DLGAP2: variants seen among roughly 807,000 people sequenced by gnomAD.
DLGAP2 encodes disks large-associated protein 2.
In DLGAP2, 26 loss-of-function variants were observed where a neutral mutation model predicts 100.3. That is an observed-to-expected ratio of 0.26 (90% confidence interval 0.19 to 0.36). DLGAP2 has a LOEUF of 0.36. DLGAP2 is among the 10% of genes least tolerant of loss of function. DLGAP2 has a pLI of 1.00. For missense variants in DLGAP2, 1,858 were observed against 1,453.2 expected (o/e 1.28, Z -4.53); for synonymous variants, 886 against 630.1 (o/e 1.41, Z -6.08).
intron 3 of DLGAP2, among the ~76,000 whole-genome samples, chr8:1,341,712 A>G (rs1801422367): frequency 6.6e-6 from 1 of 152,196 alleles, no homozygotes; most frequent in Non-Finnish European, 1.5e-5. Context: ...GGTGTCTCCC[A>G]TCACTGCCCG....
At chr8:1,524,003 G>A (rs1296898682) in intron 4 of DLGAP2, among the ~76,000 whole-genome samples, 2 of 152,344 alleles carry the variant, frequency 1.3e-5, no homozygotes, top group South Asian at 4.1e-4. Context: ...TCCGGATTCG[G>A]CATCAGATCA....
At chr8:765,017 G>A (rs1821175563) in intron 1 of DLGAP2, among the ~76,000 whole-genome samples, 1 of 152,188 alleles carries the variant, frequency 6.6e-6, no homozygotes, top group Non-Finnish European at 1.5e-5. Context: ...GTGGTAGTGA[G>A]CAAATTTTAT....
intron 2 of DLGAP2, among the ~76,000 whole-genome samples, chr8:1,216,290 A>C (rs2123064): frequency 1.3e-5 from 2 of 151,862 alleles, no homozygotes; most frequent in African/African-American, 4.9e-5. Flanking sequence ...AGTCAACTTC[A>C]TACAGGGGCT....
chr8:1,701,413 A>T lies in DLGAP2; in HGVS notation c.*7A>T. 6.3e-7 allele frequency: 1 copy of T among 1,576,562 alleles called. No homozygotes were observed. The highest frequency in any genetic ancestry group is 8.6e-7 in the Non-Finnish European group (1 of 1,162,548). On this transcript the variant is annotated 3_prime_UTR_variant, in exon 15 of 15. Transcript: ENST00000637795. ...GGCCCAGACCCGGCTCTGAGGGCGG[A>T]GGCCGGCGCCTTCCCCTCGTCGCTT...
chr8:1,159,871 C>T (rs568469311), intron 2 of DLGAP2, among the ~76,000 whole-genome samples: 1 of 152,334 alleles, frequency 6.6e-6, no homozygotes, highest in Non-Finnish European at 1.5e-5. Context: ...CTACAGGCCC[C>T]CCAACCCCTG....
intron 2 of DLGAP2, among the ~76,000 whole-genome samples, chr8:1,241,556 C>T (rs989825876): frequency 2.0e-5 from 3 of 152,216 alleles, no homozygotes; most frequent in African/African-American, 7.2e-5. Context: ...CCCATGGGGG[C>T]CTTTGATCCA....
chr8:1,693,895 C>T (rs1171930589), intron 13 of DLGAP2, among the ~76,000 whole-genome samples: 1 of 152,144 alleles, frequency 6.6e-6, no homozygotes, highest in East Asian at 1.9e-4. Flanking sequence ...TCCATAGTAT[C>T]TATTTGATTA....
chr8:1,365,997 C>T (rs1222087982), intron 3 of DLGAP2, among the ~76,000 whole-genome samples: 1 of 152,264 alleles, frequency 6.6e-6, no homozygotes, highest in Non-Finnish European at 1.5e-5. Flanking sequence ...AACCTCCCCT[C>T]ACGGCACCGT....
chr8:1,622,542 C>G (rs920106447), intron 6 of DLGAP2: 12 of 152,246 alleles, frequency 7.9e-5, no homozygotes, highest in African/African-American at 1.9e-4. Flanking sequence ...GAACCATTCG[C>G]AAAGGGCGAG....
chr8:815,472 C>A (rs1053155035), intron 1 of DLGAP2, among the ~76,000 whole-genome samples: 1 of 152,132 alleles, frequency 6.6e-6, no homozygotes. Context: ...AGATAATTTC[C>A]CCAAATTGAG....
At chr8:1,083,519 A>G (rs1211805022) in intron 2 of DLGAP2, among the ~76,000 whole-genome samples, 2 of 152,208 alleles carry the variant, frequency 1.3e-5, no homozygotes, top group African/African-American at 4.8e-5. Context: ...TTTTGAGCTG[A>G]GCTTATTCAT....
chr8:1,191,397 C>G (rs565088296), intron 2 of DLGAP2, among the ~76,000 whole-genome samples: 3 of 152,136 alleles, frequency 2.0e-5, no homozygotes, highest in African/African-American at 7.2e-5. Flanking sequence ...GTCTTGATCT[C>G]CTGACCTTGT....
chr8:1,053,848 T>A (rs570091708), intron 2 of DLGAP2, among the ~76,000 whole-genome samples: 9 of 152,324 alleles, frequency 5.9e-5, no homozygotes, highest in African/African-American at 1.9e-4. Context: ...GCAGAATGGA[T>A]TCCTGTGCTA....
chr8:1,013,386 T>G (rs1441540432), intron 2 of DLGAP2, among the ~76,000 whole-genome samples: 1 of 152,134 alleles, frequency 6.6e-6, no homozygotes, highest in Non-Finnish European at 1.5e-5. Flanking sequence ...TCACGCTTGT[T>G]TGTAGAGCCG....
At chr8:1,212,785 T>C (rs920814860) in intron 2 of DLGAP2, among the ~76,000 whole-genome samples, 1 of 104,188 alleles carries the variant, frequency 9.6e-6, no homozygotes, top group Admixed American at 1.4e-4. Context: ...CCCCCATGAT[T>C]AGCATTTTAA....
intron 1 of DLGAP2, among the ~76,000 whole-genome samples, chr8:852,190 T>C (rs1193860450): frequency 6.6e-6 from 1 of 152,064 alleles, no homozygotes; most frequent in Non-Finnish European, 1.5e-5. Context: ...AGAATTGCTC[T>C]GAGGGATAGG....
intron 8 of DLGAP2, among the ~76,000 whole-genome samples, chr8:1,646,282 C>T (rs771314663): frequency 1.3e-5 from 2 of 152,180 alleles, no homozygotes; most frequent in African/African-American, 2.4e-5. Context: ...CCCAGATCTC[C>T]AGCTTGCCAC....
At chr8:1,026,632 A>T (rs1232177343) in intron 2 of DLGAP2, among the ~76,000 whole-genome samples, 2 of 152,364 alleles carry the variant, frequency 1.3e-5, no homozygotes, top group African/African-American at 4.8e-5. Context: ...ACAATAATAG[A>T]TGACAAGAAG....
chr8:922,613 A>G (rs1798738789), intron 2 of DLGAP2, among the ~76,000 whole-genome samples: 1 of 152,188 alleles, frequency 6.6e-6, no homozygotes, highest in Non-Finnish European at 1.5e-5. Flanking sequence ...TTGTGTTCTG[A>G]GAAGCTTTGA....
Sources: gnomAD v4.1 joint callset for allele counts (sites outside exome capture counted in the v4.1 genomes callset) on GRCh38, gnomAD v4.1.1 for gene constraint, MANE v1.5 for transcripts, NCBI Gene and HGNC (gene_info 2026-07-23, HGNC 2026-07-21) for gene names.